IGF1R: variants seen among roughly 807,000 people sequenced by gnomAD.
IGF1R encodes the protein insulin like growth factor 1 receptor.
IGF1R carries 44 observed loss-of-function variants against 144.6 expected under a neutral mutation model. That is an observed-to-expected ratio of 0.30 (90% confidence interval 0.24 to 0.39). The LOEUF is 0.39. Ranked by LOEUF, IGF1R falls within the 10% of genes least tolerant of loss-of-function variation. The pLI is 1.00. For missense variants in IGF1R, 1,355 were observed against 1,833.7 expected (o/e 0.74, Z 4.77); for synonymous variants, 795 against 722.8 (o/e 1.10, Z -1.60).
In IGF1R at chr15:98,962,142, A is replaced by C. The variant is rs750637278; in HGVS notation, c.*4700A>C. 1.7e-4 allele frequency: 39 copies of C among 233,180 alleles called. No individual in the cohort carries two copies. The highest frequency in any genetic ancestry group is 2.8e-4 in the Non-Finnish European group (33 of 118,080). 14.4% of individuals were successfully genotyped at this position (233,180 alleles called of 1,614,324 possible). A position where few individuals can be genotyped will look rare whatever the true frequency, so the allele number is the denominator to read the frequency against. ...ATCACACTGAGATCGATGGGTGAGA[A>C]GGCTAGGATGCTTGTCTAGTGTTCT... is the stretch of plus-strand genomic sequence containing the variant. On this transcript the variant is annotated 3_prime_UTR_variant, in exon 21 of 21. Coordinates refer to ENST00000650285, the MANE Select transcript of IGF1R (RefSeq NM_000875.5).
At chr15:98,907,352 CCCAATGGACATAGCCT>C (rs534546498) in intron 5 of IGF1R, among the ~76,000 whole-genome samples, 243 of 152,286 alleles carry the variant, frequency 1.6e-3, no homozygotes, top group African/African-American at 5.6e-3. Context: ...CAGAGAGATC[CCCAATGGACATAGCCT>C]CCAGGGCAGA....
rs1053418946 is a variant in IGF1R, at chr15:98,924,407, T to G, written c.2623-118T>G. On this transcript the variant is annotated intron_variant, in intron 12 of 20. Transcript: ENST00000650285. ...TTGTCTTTACTGACACTCAGGATCA[T>G]TGTTAGGTGGGAGGTCAGATCAGGC... The G allele has an allele frequency of 3.3e-6, 3 of 914,526 alleles. No individual in the cohort carries two copies. The African/African-American group carries it at 4.9e-5, about 15-fold the overall frequency. 56.7% of individuals were successfully genotyped at this position (914,526 alleles called of 1,614,324 possible).
intron 4 of IGF1R, among the ~76,000 whole-genome samples, chr15:98,898,679 GCA>G (rs1332596440): frequency 3.3e-5 from 5 of 152,068 alleles, no homozygotes; most frequent in Non-Finnish European, 4.4e-5. Flanking sequence ...CATAAATTAC[GCA>G]CAGTAAAATC....
chr15:98,742,929 C>A (rs1308740376), intron 2 of IGF1R, among the ~76,000 whole-genome samples: 2 of 151,958 alleles, frequency 1.3e-5, no homozygotes, highest in African/African-American at 4.8e-5. Flanking sequence ...CCCAGCTTCT[C>A]GGGAGGCTGA....
At chr15:98,866,448 TG>T (rs2141594919) in intron 2 of IGF1R, among the ~76,000 whole-genome samples, 1 of 152,350 alleles carries the variant, frequency 6.6e-6, no homozygotes, top group African/African-American at 2.4e-5. Context: ...GGGAATTTAT[TG>T]AAAAGCAGAA....
intron 2 of IGF1R, among the ~76,000 whole-genome samples, chr15:98,836,488 C>G (rs2057104591): frequency 6.9e-6 from 1 of 144,244 alleles, no homozygotes; most frequent in African/African-American, 2.6e-5. Flanking sequence ...CACTGCACAA[C>G]AGTCTTGGAG....
intron 17 of IGF1R, 85 bp from the exon 18 acceptor site, chr15:98,939,116 A>G: frequency 8.6e-7 from 1 of 1,160,304 alleles, no homozygotes. Context: ...AGATTGAACA[A>G]AGATGATATG....
intron 2 of IGF1R, among the ~76,000 whole-genome samples, chr15:98,821,291 C>G (rs570952830): frequency 1.8e-3 from 271 of 151,698 alleles, no homozygotes; most frequent in Middle Eastern, 6.9e-3. Context: ...CCTCCCCCCC[C>G]CCTTTTTAAA....
intron 2 of IGF1R, among the ~76,000 whole-genome samples, chr15:98,750,942 C>T (rs1434124845): frequency 1.3e-5 from 2 of 151,950 alleles, no homozygotes; most frequent in African/African-American, 4.8e-5. Flanking sequence ...GTGTACACCA[C>T]CATGGCCAGC....
chr15:98,843,825 C>T (rs569092144), intron 2 of IGF1R, among the ~76,000 whole-genome samples: 1 of 152,260 alleles, frequency 6.6e-6, no homozygotes, highest in East Asian at 1.9e-4. Flanking sequence ...GAAGAAGCTG[C>T]ATCTATATAT....
chr15:98,793,793 C>G (rs2056179200), intron 2 of IGF1R, among the ~76,000 whole-genome samples: 1 of 152,152 alleles, frequency 6.6e-6, no homozygotes, highest in Admixed American at 6.5e-5. Flanking sequence ...TATTAAGACC[C>G]TTTTATTTCA....
At chr15:98,841,318 T>A (rs1292761293) in intron 2 of IGF1R, among the ~76,000 whole-genome samples, 6 of 152,236 alleles carry the variant, frequency 3.9e-5, no homozygotes, top group Admixed American at 2.0e-4. Flanking sequence ...TGGCTGTGCT[T>A]CCTTGGTCAA....
chr15:98,886,569 C>T (rs565521299), intron 2 of IGF1R, among the ~76,000 whole-genome samples: 45 of 152,254 alleles, frequency 3.0e-4, no homozygotes, highest in Middle Eastern at 3.4e-3. Flanking sequence ...TGCCTTTAAT[C>T]GCACTCAGTG....
intron 2 of IGF1R, among the ~76,000 whole-genome samples, chr15:98,774,815 A>G (rs907681351): frequency 5.4e-5 from 8 of 147,464 alleles, no homozygotes; most frequent in Non-Finnish European, 1.2e-4. Context: ...ACATTGCTGC[A>G]CTCTACTTAA....
intron 2 of IGF1R, among the ~76,000 whole-genome samples, chr15:98,794,877 G>C (rs547219869): frequency 1.3e-4 from 20 of 152,280 alleles, no homozygotes; most frequent in Middle Eastern, 3.4e-3. Context: ...TGCTGCTGTG[G>C]ACTTGAGTCT....
intron 11 of IGF1R, among the ~76,000 whole-genome samples, chr15:98,922,991 C>T (rs1019722004): frequency 6.6e-6 from 1 of 152,162 alleles, no homozygotes; most frequent in Non-Finnish European, 1.5e-5. Context: ...TTTAGTAGGC[C>T]TCAGGTGGTA....
At chr15:98,750,207 C>T (rs2054975524) in intron 2 of IGF1R, among the ~76,000 whole-genome samples, 1 of 144,398 alleles carries the variant, frequency 6.9e-6, no homozygotes, top group Non-Finnish European at 1.5e-5. Context: ...AAAGGCCTCA[C>T]ATCAGGTGAC....
intron 13 of IGF1R, among the ~76,000 whole-genome samples, chr15:98,927,795 T>C (rs1042414339): frequency 6.6e-6 from 1 of 152,230 alleles, no homozygotes; most frequent in East Asian, 1.9e-4. Flanking sequence ...AGAGTAACCA[T>C]GATCACAGTT....
rs188228649 is a variant in IGF1R, at chr15:98,681,348, G to T, written c.95-26214G>T. On this transcript the variant is annotated intron_variant, in intron 1 of 20. Coordinates refer to ENST00000650285, the MANE Select transcript of IGF1R (RefSeq NM_000875.5). Reference sequence around the variant, plus strand: ...TTCTTGCTTCTCTGCTTGTGTCTTTGCATTCACCACCAGCTATTCTGATAG... The same window carrying T: ...TTCTTGCTTCTCTGCTTGTGTCTTTTCATTCACCACCAGCTATTCTGATAG... Among the ~76,000 whole-genome samples the T allele has an allele frequency of 2.6e-5, 4 of 152,228 alleles. No individual in the cohort carries two copies. The East Asian group carries it at 7.7e-4, about 29-fold the overall frequency.
Sources: gnomAD v4.1 joint callset for allele counts (sites outside exome capture counted in the v4.1 genomes callset) on GRCh38, gnomAD v4.1.1 for gene constraint, MANE v1.5 for transcripts, NCBI Gene and HGNC (gene_info 2026-07-23, HGNC 2026-07-21) for gene names.